Variants in GRIA1 observed in about 807,000 individuals in gnomAD.
The protein encoded by GRIA1 is glutamate ionotropic receptor AMPA type subunit 1.
In GRIA1, 31 loss-of-function variants were observed where a neutral mutation model predicts 99.2. The ratio of observed to expected loss-of-function variants is 0.31; its 90% CI spans 0.23 to 0.42. The LOEUF (loss-of-function observed/expected upper bound fraction) is 0.42. Among genes scored for constraint, GRIA1 ranks in the 10% least tolerant of loss-of-function variants. The pLI, the probability that GRIA1 is intolerant of heterozygous loss-of-function variation, is 1.00. For missense variants in GRIA1, 782 were observed against 1,157.5 expected (o/e 0.68, Z 4.71); for synonymous variants, 438 against 432.4 (o/e 1.01, Z -0.16).
At chr5:153,741,933 T>TAAAA (rs772744445) in intron 11 of GRIA1, among the ~76,000 whole-genome samples, 2 of 100,668 alleles carry the variant, frequency 2.0e-5, no homozygotes, top group African/African-American at 7.8e-5. Context: ...AAAGCTTTTT[T>TAAAA]TAAAAAAAAA....
chr5:153,617,430 GGAA>G (rs1766609156), intron 2 of GRIA1, among the ~76,000 whole-genome samples: 1 of 152,134 alleles, frequency 6.6e-6, no homozygotes, highest in Non-Finnish European at 1.5e-5. Context: ...TTCTTTTTGG[GGAA>G]GATTTCTATG....
intron 2 of GRIA1, among the ~76,000 whole-genome samples, chr5:153,507,947 T>G (rs1289061128): frequency 6.6e-6 from 1 of 152,162 alleles, no homozygotes; most frequent in Non-Finnish European, 1.5e-5. Context: ...TACTACTGAT[T>G]CCATCTGAAA....
intron 11 of GRIA1, among the ~76,000 whole-genome samples, chr5:153,719,682 C>A (rs1030752742): frequency 6.6e-6 from 1 of 152,000 alleles, no homozygotes; most frequent in Non-Finnish European, 1.5e-5. Context: ...TTGTCACAAC[C>A]CCAACCAGAT....
chr5:153,763,302 G>A (rs536492634), intron 11 of GRIA1, among the ~76,000 whole-genome samples: 33 of 152,174 alleles, frequency 2.2e-4, no homozygotes, highest in Non-Finnish European at 4.7e-4. Context: ...GCGTACTGCT[G>A]TCCCGAGGCA....
At chr5:153,608,795 G>GT (rs904105587) in intron 2 of GRIA1, among the ~76,000 whole-genome samples, 20 of 151,242 alleles carry the variant, frequency 1.3e-4, no homozygotes, top group South Asian at 1.0e-3. Context: ...CTGTATAACA[G>GT]TTTTTTTTTA....
At chr5:153,562,268 T>C (rs1477820021) in intron 2 of GRIA1, among the ~76,000 whole-genome samples, 1 of 152,196 alleles carries the variant, frequency 6.6e-6, no homozygotes, top group Non-Finnish European at 1.5e-5. Context: ...AGGCCATCTA[T>C]ACCCATTATG....
At chr5:153,686,405 G>A in intron 8 of GRIA1, 76 bp downstream of exon 8, 2 of 1,019,110 alleles carry the variant, frequency 2.0e-6, no homozygotes, top group South Asian at 1.4e-5. Context: ...GAGGGCCTGT[G>A]AGTCCACCTT....
chr5:153,653,785 G>T (rs1316562916), intron 4 of GRIA1, among the ~76,000 whole-genome samples: 2 of 152,148 alleles, frequency 1.3e-5, no homozygotes, highest in East Asian at 1.9e-4. Context: ...ATAGCATAGT[G>T]CTTGGCATAT....
intron 13 of GRIA1, among the ~76,000 whole-genome samples, chr5:153,783,766 C>G (rs554788105): frequency 6.6e-6 from 1 of 152,198 alleles, no homozygotes; most frequent in Non-Finnish European, 1.5e-5. Context: ...GTGCAGTGTG[C>G]AGGGTTCCTG....
At chr5:153,686,151 T>C in intron 7 of GRIA1, 74 bp from the exon 8 acceptor site, 1 of 1,078,440 alleles carries the variant, frequency 9.3e-7, no homozygotes, top group Non-Finnish European at 1.4e-6. Flanking sequence ...TCTGAATTTC[T>C]ACTTCAGTGG....
chr5:153,795,999 C>CT lies in GRIA1; in HGVS notation c.2385+1275dup, dbSNP rs1226772204. 1.0e-3 allele frequency among the ~76,000 whole-genome samples: 132 copies of CT among 130,720 alleles called. 1 individual carries two copies. Among genetic ancestry groups the CT allele is most frequent in the African/African-American group, 2.8e-3 (97 of 34,310 alleles). 85.8% of individuals were successfully genotyped at this position (130,720 alleles called of 152,430 possible). A position where few individuals can be genotyped will look rare whatever the true frequency, so the allele number is the denominator to read the frequency against. ...GGGTCTTGCTCAGGGATACTGAACTCTTTTTTTTTTTAACTTTTTTTTTTT... is the reference window on the plus strand; with the variant it reads ...GGGTCTTGCTCAGGGATACTGAACTCTTTTTTTTTTTTAACTTTTTTTTTTT... On this transcript the variant is annotated intron_variant, in intron 14 of 15. Coordinates refer to ENST00000285900, the MANE Select transcript of GRIA1 (RefSeq NM_000827.4).
intron 7 of GRIA1, among the ~76,000 whole-genome samples, chr5:153,678,618 C>T (rs527767559): frequency 6.6e-6 from 1 of 152,166 alleles, no homozygotes; most frequent in Non-Finnish European, 1.5e-5. Flanking sequence ...ACTCCACAGT[C>T]GAGACAGATT....
intron 7 of GRIA1, among the ~76,000 whole-genome samples, chr5:153,682,651 G>A (rs978308921): frequency 2.0e-5 from 3 of 151,960 alleles, no homozygotes; most frequent in African/African-American, 7.3e-5. Flanking sequence ...CTTGCTGTTA[G>A]CAATTTCCTA....
At chr5:153,565,194 G>A (rs544473701) in intron 2 of GRIA1, among the ~76,000 whole-genome samples, 6 of 152,194 alleles carry the variant, frequency 3.9e-5, no homozygotes, top group South Asian at 2.1e-4. Flanking sequence ...CTTCTATGGC[G>A]GACTTATGTA....
In GRIA1 at chr5:153,759,722, A is replaced by T. The variant is rs546200750; in HGVS notation, c.1824-4712A>T. On this transcript the variant is annotated intron_variant, in intron 11 of 15. Transcript: ENST00000285900. ...ATTCTTTGAAGCCAGAATTACCCTA[A>T]TCCCAAAACCAGACACAACAAAAAA... Among the ~76,000 whole-genome samples the T allele has an allele frequency of 2.0e-5, 3 of 152,030 alleles. No homozygotes were observed. In the South Asian group the frequency reaches 6.2e-4, roughly 32 times the overall value.
chr5:153,576,098 A>G (rs1762508370), intron 2 of GRIA1, among the ~76,000 whole-genome samples: 1 of 152,220 alleles, frequency 6.6e-6, no homozygotes, highest in South Asian at 2.1e-4. Context: ...TTCTTGATCC[A>G]CCATCTAACT....
At chr5:153,662,049 C>T (rs922678250) in intron 5 of GRIA1, among the ~76,000 whole-genome samples, 2 of 152,232 alleles carry the variant, frequency 1.3e-5, no homozygotes, top group African/African-American at 4.8e-5. Context: ...CCCTGTGTCA[C>T]TCTCTCATCA....
chr5:153,500,610 TACACACACACACAC>T (rs35636352), intron 2 of GRIA1, among the ~76,000 whole-genome samples: 2,926 of 120,128 alleles, frequency 0.024, 90 homozygotes, highest in African/African-American at 0.073. Context: ...CCCTCTTACA[TACACACACACACAC>T]ACACACACAC....
chr5:153,651,776 AC>A (rs1239088814), intron 4 of GRIA1, among the ~76,000 whole-genome samples: 2 of 152,074 alleles, frequency 1.3e-5, no homozygotes, highest in Non-Finnish European at 2.9e-5. Context: ...ACCCAGCAAA[AC>A]TTGTTCCTTT....
Sources: allele counts gnomAD v4.1 joint callset (sites outside exome capture counted in the v4.1 genomes callset), GRCh38; gene constraint gnomAD v4.1.1; transcripts MANE v1.5; gene names NCBI Gene and HGNC (gene_info 2026-07-23, HGNC 2026-07-21).